TRIT1: variants seen among roughly 807,000 people sequenced by gnomAD.
TRIT1 encodes the protein tRNA isopentenyltransferase 1, also known as tRNA dimethylallyltransferase.
In TRIT1, 43 loss-of-function variants were observed where a neutral mutation model predicts 51.2. The observed-to-expected ratio is 0.84, with a 90% CI of 0.66 to 1.08. The LOEUF is 1.08. TRIT1 is among the 50% of genes least tolerant of loss of function. The probability of loss-of-function intolerance (pLI) is 0.00; values close to 1 mark genes in which losing one functional copy is unlikely to be tolerated. For synonymous variants in TRIT1, 184 were observed against 203.9 expected (o/e 0.90, Z 0.83); for missense variants, 528 against 578.4 (o/e 0.91, Z 0.89).
intron 4 of TRIT1, among the ~76,000 whole-genome samples, chr1:39,852,045 T>C (rs1290633058): frequency 1.3e-5 from 2 of 151,588 alleles, no homozygotes; most frequent in Non-Finnish European, 2.9e-5. Context: ...GGAGGAAAAA[T>C]ATCAAATTCA....
At chr1:39,883,292 C>A (rs773945346) in intron 1 of TRIT1, 26 bp downstream of exon 1, 3 of 1,585,126 alleles carry the variant, frequency 1.9e-6, no homozygotes, top group African/African-American at 2.7e-5. Flanking sequence ...GGTCCCCAGG[C>A]GCCCGGGCCA....
intron 1 of TRIT1, among the ~76,000 whole-genome samples, chr1:39,857,733 T>C (rs1424761336): frequency 6.6e-6 from 1 of 152,118 alleles, no homozygotes; most frequent in Admixed American, 6.5e-5. Context: ...GCACTGAAAA[T>C]TGGGCAGGTT....
At chr1:39,861,318 T>C (rs1260413692) in intron 1 of TRIT1, among the ~76,000 whole-genome samples, 1 of 151,862 alleles carries the variant, frequency 6.6e-6, no homozygotes, top group Non-Finnish European at 1.5e-5. Context: ...GAGTTCAAAA[T>C]CAACCTAGGC....
At chr1:39,874,473 T>G (rs1332115437) in intron 1 of TRIT1, among the ~76,000 whole-genome samples, 1 of 151,986 alleles carries the variant, frequency 6.6e-6, no homozygotes, top group Non-Finnish European at 1.5e-5. Context: ...TAAAAGAAAA[T>G]AGAATAGTAT....
At chr1:39,852,917 C>A in intron 3 of TRIT1, 41 bp from the exon 4 acceptor site, 1 of 1,607,422 alleles carries the variant, frequency 6.2e-7, no homozygotes, top group Non-Finnish European at 8.5e-7. Context: ...ATTCAACCAA[C>A]ACTGAGACAG....
intron 1 of TRIT1, among the ~76,000 whole-genome samples, chr1:39,873,330 G>A (rs1411729809): frequency 1.3e-5 from 2 of 152,086 alleles, no homozygotes. Flanking sequence ...TCACTTCTGT[G>A]GTATACTTTC....
chr1:39,882,450 T>C (rs1644293485), intron 1 of TRIT1, among the ~76,000 whole-genome samples: 1 of 152,200 alleles, frequency 6.6e-6, no homozygotes, highest in Non-Finnish European at 1.5e-5. Flanking sequence ...CCTCAACAAA[T>C]AGCTGCTGTA....
Position 39,841,698 on chromosome 1 carries a change from TG to T in TRIT1, c.*45del, listed in dbSNP as rs1557523949. 1 of 1,568,264 alleles carries T rather than the reference TG, an allele frequency of 6.4e-7. No homozygotes were observed. Among genetic ancestry groups the T allele is most frequent in the East Asian group, 2.3e-5 (1 of 44,262 alleles). On this transcript the variant is annotated 3_prime_UTR_variant, in exon 11 of 11. Coordinates refer to ENST00000316891, the MANE Select transcript of TRIT1 (RefSeq NM_017646.6). ...GGGAGACAAACATACCCCTCCCTCC[TG>T]AACTGGATCCCCACCACCTTTCCAA...
At chr1:39,858,747 T>C (rs1643045089) in intron 1 of TRIT1, among the ~76,000 whole-genome samples, 1 of 152,128 alleles carries the variant, frequency 6.6e-6, no homozygotes, top group African/African-American at 2.4e-5. Context: ...TAAAAAATAA[T>C]GTAAATAAGA....
At chr1:39,869,777 G>A (rs1473881632) in intron 1 of TRIT1, among the ~76,000 whole-genome samples, 2 of 151,802 alleles carry the variant, frequency 1.3e-5, no homozygotes, top group African/African-American at 4.8e-5. Context: ...GGGAGGTGAG[G>A]AGCGTCTCTG....
At chr1:39,859,475 T>C (rs925157440) in intron 1 of TRIT1, among the ~76,000 whole-genome samples, 2 of 149,754 alleles carry the variant, frequency 1.3e-5, no homozygotes, top group African/African-American at 2.5e-5. Context: ...GTTCCGCTAC[T>C]GGGGAGGCTG....
At chr1:39,878,395 G>T (rs907782382) in intron 1 of TRIT1, among the ~76,000 whole-genome samples, 2 of 152,232 alleles carry the variant, frequency 1.3e-5, no homozygotes, top group African/African-American at 4.8e-5. Context: ...GAACTGCCCT[G>T]TAGGTGCTGT....
intron 1 of TRIT1, among the ~76,000 whole-genome samples, chr1:39,875,807 A>G (rs979214207): frequency 9.2e-5 from 14 of 152,194 alleles, no homozygotes; most frequent in Non-Finnish European, 1.9e-4. Context: ...TAAGAGTTAG[A>G]GGAAAAAGTA....
At position 39,875,790 on chromosome 1, in the gene TRIT1, A is replaced by G. The variant is rs141439846; in HGVS notation, c.174+7528T>C. Among the ~76,000 whole-genome samples, 644 of 152,248 alleles carry G rather than the reference A, an allele frequency of 4.2e-3. 4 individuals are homozygous for G. The highest frequency in any genetic ancestry group is 0.015 in the African/African-American group (613 of 41,552). ...AGAATGGGATGGAGGATGAATGAAT[A>G]AATAAATAAGAGTTAGAGGAAAAAG... is the stretch of plus-strand genomic sequence containing the variant. On this transcript the variant is annotated intron_variant, in intron 1 of 10. Transcript: ENST00000316891.
At chr1:39,877,445 T>C (rs974318523) in intron 1 of TRIT1, among the ~76,000 whole-genome samples, 1 of 152,082 alleles carries the variant, frequency 6.6e-6, no homozygotes, top group East Asian at 1.9e-4. Context: ...TCTCCTCTTG[T>C]AGGTTTAAAC....
chr1:39,861,343 C>T (rs1013341162), intron 1 of TRIT1, among the ~76,000 whole-genome samples: 14 of 151,978 alleles, frequency 9.2e-5, no homozygotes, highest in African/African-American at 3.4e-4. Flanking sequence ...TAACGAGACC[C>T]GATCTCTAGA....
At chr1:39,844,339 T>C in intron 9 of TRIT1, 121 bp from the exon 10 acceptor site, 1 of 916,022 alleles carries the variant, frequency 1.1e-6, no homozygotes, top group African/African-American at 1.7e-5. Flanking sequence ...AGATGGGCTG[T>C]ATACAGATTT....
At chr1:39,879,485 A>AAT (rs34841905) in intron 1 of TRIT1, among the ~76,000 whole-genome samples, 13,427 of 148,498 alleles carry the variant, frequency 0.09, 841 homozygotes, top group African/African-American at 0.18. Context: ...GAGGATTTTA[A>AAT]ATATATATAT....
In TRIT1 at chr1:39,848,068, C is replaced by T; in HGVS notation, c.733G>A (p.Asp245Asn). 6.2e-7 allele frequency: 1 copy of T among 1,614,124 alleles called. No individual in the cohort carries two copies. Among genetic ancestry groups the T allele is most frequent in the South Asian group, 1.1e-5 (1 of 91,078 alleles). ...AAGAGCCCAGCAGCAAGCATGTCAT[C>T]CACCCTCTTATCCAAGCGCTCATCT... ...VLDERLDKRV[D>N]DMLAAGLLEE... The change falls in exon 6 of 11, where the codon GAT becomes AAT. Residue 245 changes from aspartate to asparagine, a missense_variant. This residue lies in a region of TRIT1 where 468 missense variants were observed against 522.6 expected (regional missense o/e 0.90). Transcript: ENST00000316891.
Sources: gnomAD v4.1 joint callset for allele counts (sites outside exome capture counted in the v4.1 genomes callset) on GRCh38, gnomAD v4.1.1 for gene constraint, gnomAD v4.1.1 regional missense constraint, MANE v1.5 for transcripts, NCBI Gene and HGNC (gene_info 2026-07-23, HGNC 2026-07-21) for gene names.